The following ZNF536 variants were observed in gnomAD, a reference collection of about 807,000 sequenced individuals.
ZNF536 encodes zinc finger protein 536.
Under a neutral mutation model 84.5 loss-of-function variants are expected in ZNF536, and 13 were observed. The ratio of observed to expected loss-of-function variants is 0.15; its 90% CI spans 0.10 to 0.24. The LOEUF (loss-of-function observed/expected upper bound fraction) is 0.24, where lower values mean the gene tolerates loss of function less well. Ranked by LOEUF, ZNF536 falls within the 10% of genes least tolerant of loss-of-function variation. The probability of loss-of-function intolerance (pLI) is 1.00; values close to 1 mark genes in which losing one functional copy is unlikely to be tolerated. For missense variants in ZNF536, 1,536 were observed against 1,747.5 expected (o/e 0.88, Z 2.16); for synonymous variants, 811 against 742.5 (o/e 1.09, Z -1.50).
intron 2 of ZNF536, among the ~76,000 whole-genome samples, chr19:30,309,511 G>A (rs751340208): frequency 6.6e-6 from 1 of 152,134 alleles, no homozygotes; most frequent in Non-Finnish European, 1.5e-5. Flanking sequence ...CTGAAAAGGC[G>A]CACTGCTGCA....
intron 1 of ZNF536, among the ~76,000 whole-genome samples, chr19:30,233,705 C>T (rs1330602663): frequency 1.3e-5 from 2 of 152,080 alleles, no homozygotes; most frequent in African/African-American, 4.8e-5. Flanking sequence ...TTACACCTTC[C>T]TTATGATGCA....
At chr19:30,476,746 G>A (rs917085691) in intron 2 of ZNF536, among the ~76,000 whole-genome samples, 5 of 152,068 alleles carry the variant, frequency 3.3e-5, no homozygotes, top group East Asian at 3.9e-4. Context: ...CCTCAAGCCC[G>A]CCTCCCAGAG....
chr19:30,492,516 T>G (rs540733589), intron 2 of ZNF536, among the ~76,000 whole-genome samples: 10 of 152,200 alleles, frequency 6.6e-5, no homozygotes, highest in Admixed American at 2.0e-4. Flanking sequence ...CAAACCTTCC[T>G]TTGAAAGGTC....
chr19:30,576,861 T>G (rs1488715765), intron 1 of ZNF536, among the ~76,000 whole-genome samples: 4 of 152,244 alleles, frequency 2.6e-5, no homozygotes, highest in Non-Finnish European at 5.9e-5. Flanking sequence ...TGGAGTTGCA[T>G]GTCTCTTTAG....
intron 1 of ZNF536, among the ~76,000 whole-genome samples, chr19:30,260,733 G>C (rs1185202267): frequency 6.6e-6 from 1 of 152,174 alleles, no homozygotes; most frequent in Admixed American, 6.5e-5. Flanking sequence ...ACCATACTTG[G>C]TAGAGTCTAG....
intron 1 of ZNF536, among the ~76,000 whole-genome samples, chr19:30,564,569 G>A (rs1017512472): frequency 2.0e-5 from 3 of 152,118 alleles, no homozygotes; most frequent in Admixed American, 1.3e-4. Context: ...GTGCTCAGTG[G>A]CTGTGGGTAG....
At chr19:30,483,745 T>C (rs948469146) in intron 2 of ZNF536, among the ~76,000 whole-genome samples, 3 of 152,082 alleles carry the variant, frequency 2.0e-5, no homozygotes, top group African/African-American at 7.2e-5. Context: ...AAAGCCAACC[T>C]GATCATGTCA....
chr19:30,338,389 ATGG>A (rs1349951174), intron 2 of ZNF536, among the ~76,000 whole-genome samples: 3 of 151,778 alleles, frequency 2.0e-5, no homozygotes, highest in Admixed American at 6.6e-5. Flanking sequence ...GGTGGTGATG[ATGG>A]TGGTGATGAT....
intron 1 of ZNF536, among the ~76,000 whole-genome samples, chr19:30,392,576 GTCC>G (rs982270243): frequency 3.9e-5 from 6 of 152,184 alleles, no homozygotes; most frequent in African/African-American, 9.7e-5. Flanking sequence ...TTCTGAGCCA[GTCC>G]TCCTTCTTTC....
intron 1 of ZNF536, among the ~76,000 whole-genome samples, chr19:30,396,920 T>A (rs1317634680): frequency 6.6e-6 from 1 of 152,156 alleles, no homozygotes; most frequent in Non-Finnish European, 1.5e-5. Context: ...GGCTCTCTTT[T>A]AAAGGGCTTC....
At chr19:30,372,712 G>A (rs1365900461) in intron 1 of ZNF536, among the ~76,000 whole-genome samples, 156 bp downstream of exon 1, 2 of 151,926 alleles carry the variant, frequency 1.3e-5, no homozygotes, top group African/African-American at 2.4e-5. Flanking sequence ...ACACCCTTTT[G>A]CAAAATAATT....
chr19:30,400,498 G>A (rs1375108958), intron 1 of ZNF536, among the ~76,000 whole-genome samples: 2 of 152,042 alleles, frequency 1.3e-5, no homozygotes. Context: ...CTTTTTTGGT[G>A]AAATATCTGG....
chr19:30,502,375 G>A (rs1373483862), intron 2 of ZNF536, among the ~76,000 whole-genome samples: 2 of 152,146 alleles, frequency 1.3e-5, no homozygotes, highest in Admixed American at 6.5e-5. Flanking sequence ...AGCACCAGGG[G>A]CAGTGGAGTA....
In ZNF536 at chr19:30,395,413, T is replaced by G. The variant is rs142217901; in HGVS notation, c.-3+22857T>G. On this transcript the variant is annotated intron_variant, in intron 1 of 4. Coordinates refer to ENST00000355537, the MANE Select transcript of ZNF536 (RefSeq NM_014717.3). ...GCAGTTTAACGTTAAAACCCAGCCC[T>G]GCTGGTGGATGTAGAATGCTGGTCT... is the stretch of plus-strand genomic sequence containing the variant. 1.7e-3 allele frequency among the ~76,000 whole-genome samples: 260 copies of G among 152,338 alleles called. 2 individuals are homozygous for G. The highest frequency in any genetic ancestry group is 6.8e-3 in the Middle Eastern group (2 of 294).
rs758831432 is a variant in ZNF536 at position 30,444,909 on chromosome 19, C to G, written c.1347C>G (p.Pro449=). The G allele has an allele frequency of 1.9e-6, 3 of 1,611,008 alleles. No individual in the cohort carries two copies. In the African/African-American group the frequency reaches 4.0e-5, roughly 22 times the overall value. ...CGGACAAAGCCGGCCTGAGCGAGCCCAGCCAGCTCTATGGCAAGGGCGAGC... is the reference window on the plus strand; with the variant it reads ...CGGACAAAGCCGGCCTGAGCGAGCCGAGCCAGCTCTATGGCAAGGGCGAGC... The part of the protein sequence containing the change: ...MTPDKAGLSE[P]SQLYGKGELP... Residue 449 remains proline, a synonymous_variant, in exon 2 of 5, where the codon CCC becomes CCG. Coordinates refer to ENST00000355537, the MANE Select transcript of ZNF536 (RefSeq NM_014717.3).
At chr19:30,618,025 A>G (rs1321519157) in intron 1 of ZNF536, among the ~76,000 whole-genome samples, 1 of 152,222 alleles carries the variant, frequency 6.6e-6, no homozygotes, top group Non-Finnish European at 1.5e-5. Flanking sequence ...TACTGTATAC[A>G]TTGTGCTGTT....
downstream of ZNF536, among the ~76,000 whole-genome samples, chr19:30,561,858 A>G (rs184098280): frequency 4.6e-5 from 7 of 152,210 alleles, no homozygotes; most frequent in African/African-American, 1.7e-4. Context: ...TAATCAGATA[A>G]TCAGAAGGGA....
intron 1 of ZNF536, among the ~76,000 whole-genome samples, chr19:30,575,124 CCATTCATTCATT>C (rs370451298): frequency 2.0e-5 from 3 of 152,048 alleles, no homozygotes; most frequent in Admixed American, 6.5e-5. Context: ...CAGAATTTAT[CCATTCATTCATT>C]CATTCATTCA....
intron 1 of ZNF536, among the ~76,000 whole-genome samples, chr19:30,435,526 A>G (rs1331398775): frequency 6.6e-6 from 1 of 150,446 alleles, no homozygotes; most frequent in East Asian, 2.0e-4. Context: ...GGTGATGATG[A>G]TGGTGATAGT....
Sources: allele counts gnomAD v4.1 joint callset (sites outside exome capture counted in the v4.1 genomes callset), GRCh38; gene constraint gnomAD v4.1.1; transcripts MANE v1.5; gene names NCBI Gene and HGNC (gene_info 2026-07-23, HGNC 2026-07-21).